MNS1: variants seen among roughly 807,000 people sequenced by gnomAD.
MNS1 encodes meiosis-specific nuclear structural protein 1.
Under a neutral mutation model 72.0 loss-of-function variants are expected in MNS1, and 63 were observed. The ratio of observed to expected loss-of-function variants is 0.87; its 90% CI spans 0.71 to 1.08. MNS1 has a LOEUF of 1.08. Ranked by LOEUF, MNS1 falls within the 50% of genes least tolerant of loss-of-function variation. The pLI is 0.00. For missense variants in MNS1, 604 were observed against 562.4 expected (o/e 1.07, Z -0.75); for synonymous variants, 188 against 172.1 (o/e 1.09, Z -0.72).
At chr15:56,437,132 C>T (rs1006568711) in intron 7 of MNS1, among the ~76,000 whole-genome samples, 8 of 151,714 alleles carry the variant, frequency 5.3e-5, no homozygotes, top group African/African-American at 1.9e-4. Flanking sequence ...ATACTTTGGT[C>T]GTCTGTCATC....
Position 56,456,527 on chromosome 15 carries a change from C to CAAG in MNS1, c.226-7_226-6insCTT, listed in dbSNP as rs2050982807. On this transcript the variant is annotated splice_polypyrimidine_tract_variant and splice_region_variant and intron_variant, in intron 2 of 9. Transcript: ENST00000260453. ...AATCTCTTGTTTTCTTCTGCCTGAA[C>CAAG]GAAAAATTTAACTTCGTTGTTTGTC... 1 of 1,604,542 alleles carries CAAG rather than the reference C, an allele frequency of 6.2e-7. No homozygotes were observed. Among genetic ancestry groups the CAAG allele is most frequent in the African/African-American group, 1.3e-5 (1 of 74,168 alleles).
chr15:56,431,293 G>C (rs1401202173), intron 9 of MNS1, 80 bp downstream of exon 9: 2 of 1,527,268 alleles, frequency 1.3e-6, no homozygotes, highest in South Asian at 1.2e-5. Context: ...GCAAAACCAA[G>C]GCACTCTAAA....
chr15:56,456,611 G>C (rs2050983274), intron 2 of MNS1, 90 bp from the exon 3 acceptor site: 3 of 1,267,638 alleles, frequency 2.4e-6, no homozygotes, highest in Non-Finnish European at 3.3e-6. Flanking sequence ...AAAACTAAAT[G>C]CCTTAAGGCC....
At chr15:56,456,612 C>A in intron 2 of MNS1, 91 bp from the exon 3 acceptor site, 2 of 1,269,974 alleles carry the variant, frequency 1.6e-6, no homozygotes, top group South Asian at 1.4e-5. Context: ...AAACTAAATG[C>A]CTTAAGGCCA....
intron 9 of MNS1, chr15:56,430,128 T>C (rs2050537599): frequency 6.6e-6 from 1 of 152,190 alleles, no homozygotes; most frequent in Admixed American, 6.6e-5. Context: ...CTGAATAAAA[T>C]ATGAAATGGC....
chr15:56,460,657 AAAT>A lies in MNS1; in HGVS notation c.225+3366_225+3368del, dbSNP rs201216550. 4.4e-3 allele frequency among the ~76,000 whole-genome samples: 676 copies of A among 152,310 alleles called. 2 individuals carry two copies. The highest frequency in any genetic ancestry group is 0.01 in the Middle Eastern group (3 of 294). On this transcript the variant is annotated intron_variant, in intron 2 of 9. Coordinates refer to ENST00000260453, the MANE Select transcript of MNS1 (RefSeq NM_018365.4). ...CTCCTATAAATCTAAACTTATCTCAAAATAATAAGTTAAAAATATGCATATTTC... is the reference window on the plus strand; with the variant it reads ...CTCCTATAAATCTAAACTTATCTCAAAATAAGTTAAAAATATGCATATTTC...
At chr15:56,446,756 T>C (rs1358004034) in intron 4 of MNS1, 85 bp downstream of exon 4, 2 of 985,050 alleles carry the variant, frequency 2.0e-6, no homozygotes, top group African/African-American at 1.6e-5. Context: ...AAATTCTTTA[T>C]ACAATATGAC....
intron 2 of MNS1, among the ~76,000 whole-genome samples, chr15:56,460,009 A>ATACATATATATATAT (rs1555449667): frequency 7.6e-5 from 2 of 26,386 alleles, no homozygotes; most frequent in African/African-American, 3.0e-4. Context: ...AAAAAAAAAA[A>ATACATATATATATAT]ATACATATAT....
intron 5 of MNS1, 118 bp downstream of exon 5, chr15:56,444,326 T>G (rs2050870397): frequency 1.3e-6 from 1 of 765,480 alleles, no homozygotes; most frequent in African/African-American, 1.8e-5. Flanking sequence ...ATAGCTAGTA[T>G]TTATTGAGCA....
chr15:56,449,097 A>G (rs1460750484), intron 3 of MNS1, among the ~76,000 whole-genome samples: 1 of 152,154 alleles, frequency 6.6e-6, no homozygotes, highest in Non-Finnish European at 1.5e-5. Context: ...CAATCATATC[A>G]TCTGTGAATA....
Position 56,443,722 on chromosome 15 carries a change from A to G in MNS1, c.819T>C (p.Phe273=). The change falls in exon 6 of 10, where the codon TTT becomes TTC. Residue 273 remains phenylalanine (F), a synonymous_variant. Coordinates refer to ENST00000260453, the MANE Select transcript of MNS1 (RefSeq NM_018365.4). ...CTTCTCTTTGCTGCTGCATGTTAGC[A>G]AACTCTATGATTTTTCTGTTTTCTT... The part of the protein sequence containing the change: ...MEEENRKIIE[F]ANMQQQREED... 3 of 1,613,296 alleles carry G rather than the reference A, an allele frequency of 1.9e-6. No individual in the cohort carries two copies. Among genetic ancestry groups the G allele is most frequent in the Non-Finnish European group, 2.5e-6 (3 of 1,179,692 alleles).
At chr15:56,462,282 C>T (rs1421131423) in intron 2 of MNS1, among the ~76,000 whole-genome samples, 1 of 152,034 alleles carries the variant, frequency 6.6e-6, no homozygotes, top group African/African-American at 2.4e-5. Flanking sequence ...TTTGTGAAAC[C>T]ACAGATGAAA....
chr15:56,433,185 A>C (rs776643815), intron 8 of MNS1, among the ~76,000 whole-genome samples: 1 of 149,166 alleles, frequency 6.7e-6, no homozygotes, highest in Non-Finnish European at 1.5e-5. Flanking sequence ...GATGTCACCC[A>C]GTCACCCATT....
chr15:56,434,054 T>G, intron 8 of MNS1, 84 bp downstream of exon 8: 2 of 1,402,236 alleles, frequency 1.4e-6, no homozygotes, highest in Non-Finnish European at 1.9e-6. Context: ...CATATAAAGC[T>G]TCTCAGTAAA....
chr15:56,431,532 G>C (rs1162512616), intron 8 of MNS1, 34 bp from the exon 9 acceptor site: 2 of 1,610,826 alleles, frequency 1.2e-6, no homozygotes, highest in Admixed American at 1.7e-5. Flanking sequence ...TTATCACAAA[G>C]TACATTAATC....
intron 7 of MNS1, among the ~76,000 whole-genome samples, chr15:56,437,093 A>G (rs1301386792): frequency 1.6e-4 from 24 of 152,150 alleles, no homozygotes; most frequent in Admixed American, 1.4e-3. Context: ...ATCCTCCCTA[A>G]CTCATTTTAT....
At chr15:56,447,120 G>A (rs2050911492) in intron 3 of MNS1, 177 bp from the exon 4 acceptor site, 3 of 523,004 alleles carry the variant, frequency 5.7e-6, no homozygotes, top group Non-Finnish European at 3.4e-6. Context: ...GGGCATTAGG[G>A]CTTACATTTT....
intron 2 of MNS1, among the ~76,000 whole-genome samples, chr15:56,458,717 T>G (rs983680452): frequency 1.2e-4 from 18 of 152,324 alleles, no homozygotes; most frequent in African/African-American, 4.1e-4. Context: ...TGGAGCCTTT[T>G]TGGACTGGCT....
intron 9 of MNS1, among the ~76,000 whole-genome samples, chr15:56,430,789 A>G (rs1419076456): frequency 6.6e-6 from 1 of 152,206 alleles, no homozygotes; most frequent in Admixed American, 6.5e-5. Flanking sequence ...GTTTTCATAC[A>G]CATTCTCATC....
Sources: allele counts gnomAD v4.1 joint callset (sites outside exome capture counted in the v4.1 genomes callset), GRCh38; gene constraint gnomAD v4.1.1; transcripts MANE v1.5; gene names NCBI Gene and HGNC (gene_info 2026-07-23, HGNC 2026-07-21).